The following TJP2 variants were observed in gnomAD, a reference collection of about 807,000 sequenced individuals.
TJP2 encodes the protein Friedreich ataxia region gene X104 (tight junction protein ZO-2).
Under a neutral mutation model 133.1 loss-of-function variants are expected in TJP2, and 91 were observed. The ratio of observed to expected loss-of-function variants is 0.68; its 90% CI spans 0.58 to 0.81. The LOEUF (loss-of-function observed/expected upper bound fraction) is 0.81. Ranked by LOEUF, TJP2 falls within the 40% of genes least tolerant of loss-of-function variation. TJP2 has a pLI of 0.00. For missense variants in TJP2, 1,541 were observed against 1,565.6 expected (o/e 0.98, Z 0.26); for synonymous variants, 592 against 583.4 (o/e 1.01, Z -0.21).
At chr9:69,250,865 G>T (rs1318285323) in intron 20 of TJP2, among the ~76,000 whole-genome samples, 170 bp from the exon 21 acceptor site, 1 of 152,190 alleles carries the variant, frequency 6.6e-6, no homozygotes, top group Non-Finnish European at 1.5e-5. Flanking sequence ...GTAGGGCTCA[G>T]GAAGCCTGGC....
intron 2 of TJP2, among the ~76,000 whole-genome samples, chr9:69,157,041 G>A (rs1301984802): frequency 6.6e-6 from 1 of 152,058 alleles, no homozygotes; most frequent in Non-Finnish European, 1.5e-5. Flanking sequence ...ATATTGGAGG[G>A]GTATGATGGG....
intron 1 of TJP2, chr9:69,205,229 G>A: frequency 6.5e-7 from 1 of 1,537,242 alleles, no homozygotes; most frequent in Middle Eastern, 1.7e-4. Context: ...AGATGGAAAG[G>A]CCGTGTGAGT....
intron 1 of TJP2, among the ~76,000 whole-genome samples, chr9:69,190,939 A>G (rs951391958): frequency 2.0e-5 from 3 of 152,186 alleles, no homozygotes; most frequent in African/African-American, 7.2e-5. Flanking sequence ...CCCTTTGAGA[A>G]AATGTTTCCT....
intron 2 of TJP2, among the ~76,000 whole-genome samples, chr9:69,215,397 T>TTG (rs1554659006): frequency 1.3e-5 from 2 of 151,700 alleles, no homozygotes; most frequent in Admixed American, 6.6e-5. Flanking sequence ...GTGGTTTTTT[T>TTG]TTTTTGTTTT....
At chr9:69,187,552 C>A (rs564789714) in intron 1 of TJP2, among the ~76,000 whole-genome samples, 1 of 152,160 alleles carries the variant, frequency 6.6e-6, no homozygotes, top group Non-Finnish European at 1.5e-5. Flanking sequence ...TTGACTGAGA[C>A]GAGCGTAATC....
intron 1 of TJP2, among the ~76,000 whole-genome samples, chr9:69,182,435 G>A (rs184635459): frequency 5.3e-5 from 8 of 152,180 alleles, no homozygotes; most frequent in Admixed American, 5.2e-4. Flanking sequence ...CACATTGAAA[G>A]GAAGAGGCCC....
At chr9:69,180,278 C>T (rs1031694108) in intron 1 of TJP2, among the ~76,000 whole-genome samples, 2 of 152,058 alleles carry the variant, frequency 1.3e-5, no homozygotes, top group African/African-American at 4.8e-5. Flanking sequence ...CCTTTGCCAT[C>T]GTATTAAAAG....
At chr9:69,175,002 A>G (rs1378160704) in intron 1 of TJP2, among the ~76,000 whole-genome samples, 1 of 150,840 alleles carries the variant, frequency 6.6e-6, no homozygotes, top group Non-Finnish European at 1.5e-5. Flanking sequence ...GTATTCTAGT[A>G]CTAGCCTACC....
chr9:69,250,458 A>C (rs190561837), intron 20 of TJP2, among the ~76,000 whole-genome samples: 1 of 152,330 alleles, frequency 6.6e-6, no homozygotes, highest in East Asian at 1.9e-4. Context: ...GAGCCATCAG[A>C]AGTAGTAAAT....
intron 11 of TJP2, 152 bp from the exon 12 acceptor site, chr9:69,234,287 T>A: frequency 1.5e-6 from 1 of 655,888 alleles, no homozygotes; most frequent in Non-Finnish European, 2.6e-6. Flanking sequence ...TAAGGACTCA[T>A]TTGCATCTTG....
At chr9:69,221,863 C>CT (rs11308693) in intron 5 of TJP2, among the ~76,000 whole-genome samples, 36,546 of 112,118 alleles carry the variant, frequency 0.33, 6,505 homozygotes, top group African/African-American at 0.36. Flanking sequence ...GGAATAGCTA[C>CT]TTTTTTTTTT....
chr9:69,234,395 T>C, intron 11 of TJP2, 44 bp from the exon 12 acceptor site: 1 of 1,315,748 alleles, frequency 7.6e-7, no homozygotes, highest in Non-Finnish European at 1.0e-6. Context: ...TCTTTCTTTC[T>C]TTCTTTTTTT....
chr9:69,245,280 T>C (rs781596485), intron 17 of TJP2, among the ~76,000 whole-genome samples: 2 of 152,230 alleles, frequency 1.3e-5, no homozygotes, highest in Non-Finnish European at 2.9e-5. Flanking sequence ...AAAGCTATGT[T>C]ACTTGGAGGA....
rs1466769283 is a variant in TJP2, at chr9:69,230,210, A to G, written c.1649A>G (p.Gln550Arg). 1.3e-5 allele frequency: 21 copies of G among 1,614,148 alleles called. No homozygotes were observed. The highest frequency in any genetic ancestry group is 1.8e-5 in the Non-Finnish European group (21 of 1,180,006). The stretch of plus-strand genomic sequence containing the variant: ...ACCTCGGCGGAGCAGGAGGGCCTTC[A>G]AGAAGGAGACCAGATTCTGAAGGTA... ...EGTSAEQEGL[Q>R]EGDQILKVNT... The change falls in exon 11 of 23, where the codon CAA becomes CGA. Residue 550 changes from glutamine to arginine, a missense_variant. Gln to Arg is a conservative substitution (Grantham distance 43, BLOSUM62 1). Coordinates refer to ENST00000377245, the MANE Select transcript of TJP2 (RefSeq NM_004817.4).
chr9:69,239,928 T>C lies in TJP2; in HGVS notation c.2356-9T>C. On this transcript the variant is annotated splice_polypyrimidine_tract_variant and intron_variant, in intron 16 of 22. Coordinates refer to ENST00000377245, the MANE Select transcript of TJP2 (RefSeq NM_004817.4). Reference sequence around the variant, plus strand: ...TCCATTTCTCTAACTTTTCCCCTTTTGTAAACAGGATAAGCATGCACTACT... The same window carrying C: ...TCCATTTCTCTAACTTTTCCCCTTTCGTAAACAGGATAAGCATGCACTACT... The C allele has an allele frequency of 6.2e-7, 1 of 1,612,830 alleles. No homozygotes were observed. Among genetic ancestry groups the C allele is most frequent in the South Asian group, 1.1e-5 (1 of 91,050 alleles).
At chr9:69,207,686 A>G (rs1179957820) in intron 1 of TJP2, among the ~76,000 whole-genome samples, 2 of 152,192 alleles carry the variant, frequency 1.3e-5, no homozygotes, top group South Asian at 2.1e-4. Context: ...ACCTGCTGTC[A>G]TTCAGAGAGA....
intron 1 of TJP2, among the ~76,000 whole-genome samples, chr9:69,201,652 A>G (rs1827001771): frequency 6.6e-6 from 1 of 152,108 alleles, no homozygotes; most frequent in African/African-American, 2.4e-5. Context: ...GCATATTTAC[A>G]TACCCATGTT....
In TJP2 at chr9:69,124,731, A is replaced by T. The variant is rs1471758367; in HGVS notation, c.-131+3006A>T. On this transcript the variant is annotated intron_variant, in intron 1 of 5. Coordinates refer to the TJP2 transcript ENST00000423935. The stretch of plus-strand genomic sequence containing the variant: ...TTCCTTTTAATTCTAGTAAGGCAAG[A>T]GAGAAAAGGTTTACCCTCCTATAGT... Among the ~76,000 whole-genome samples the T allele has an allele frequency of 3.9e-5, 3 of 77,622 alleles. 1 individual carries two copies. Among genetic ancestry groups the T allele is most frequent in the African/African-American group, 1.2e-4 (3 of 25,382 alleles). The allele number at this position is 77,622 out of a possible 152,430, so 50.9% of individuals were successfully genotyped here. A position where few individuals can be genotyped will look rare whatever the true frequency, so the allele number is the denominator to read the frequency against.
chr9:69,159,854 G>C (rs1202287080), intron 2 of TJP2, among the ~76,000 whole-genome samples: 6 of 145,030 alleles, frequency 4.1e-5, no homozygotes, highest in African/African-American at 1.5e-4. Context: ...AACAGAGGGA[G>C]ACTCTGTCTC....
Sources: allele counts gnomAD v4.1 joint callset (sites outside exome capture counted in the v4.1 genomes callset), GRCh38; gene constraint gnomAD v4.1.1; transcripts MANE v1.5; gene names NCBI Gene and HGNC (gene_info 2026-07-23, HGNC 2026-07-21).